The following BCCIP variants were observed in gnomAD, a reference collection of about 807,000 sequenced individuals.
BCCIP encodes BRCA2 and CDKN1A interacting protein.
Under a neutral mutation model 32.8 loss-of-function variants are expected in BCCIP, and 23 were observed. The ratio of observed to expected loss-of-function variants is 0.70; its 90% confidence interval spans 0.51 to 0.99. The LOEUF is 0.99. BCCIP is among the 50% of genes least tolerant of loss of function. The probability of loss-of-function intolerance (pLI) is 0.00; values close to 1 mark genes in which losing one functional copy is unlikely to be tolerated. For synonymous variants in BCCIP, 144 were observed against 137.6 expected, an observed-to-expected ratio of 1.05 and a Z score of -0.33; for missense variants, 378 against 379.8, an observed-to-expected ratio of 1.00 and a Z score of 0.04.
At chr10:125,840,464 G>T (rs1854844120), downstream of BCCIP, among the ~76,000 whole-genome samples, 1 of 152,238 alleles carries the variant, frequency 6.6e-6, no homozygotes, top group Non-Finnish European at 1.5e-5. Flanking sequence ...AATGTGCCAG[G>T]ATACGGAAGG....
chr10:125,841,557 T>G, exon 7 of BCCIP: 1 of 1,430,152 alleles, frequency 7.0e-7, no homozygotes, highest in South Asian at 1.6e-5. Flanking sequence ...TAAGATAATT[T>G]TTCATATTAA....
chr10:125,823,715 T>C lies in BCCIP; in HGVS notation c.158T>C (p.Ile53Thr), dbSNP rs368459243. Residue 53 changes from isoleucine to threonine, a missense_variant, in exon 1 of 7, where the codon ATT becomes ACT. Ile to Thr is a moderately conservative substitution (Grantham distance 89). Coordinates refer to ENST00000278100, the MANE Select transcript of BCCIP (RefSeq NM_078468.3). The stretch of plus-strand genomic sequence containing the variant: ...GAAAAGGATGAAGAGGACGAGGTCA[T>C]TGACGAGGTGAGAAGGACACGCTCC... ...DKEKDEEDEVIDEEVNIEFEA... is the reference protein window; with the variant it reads ...DKEKDEEDEVTDEEVNIEFEA... 2.1e-5 allele frequency: 34 copies of C among 1,613,922 alleles called. No homozygotes were observed. The Admixed American group carries it at 2.7e-4, about 13-fold the overall frequency.
chr10:125,827,413 G>A, intron 2 of BCCIP, 145 bp from the exon 3 acceptor site: 1 of 528,646 alleles, frequency 1.9e-6, no homozygotes, highest in Non-Finnish European at 3.3e-6. Flanking sequence ...GACTCTCCTG[G>A]GCTTTTCTTT....
chr10:125,839,119 C>A (rs374157987), downstream of BCCIP: 29 of 1,614,068 alleles, frequency 1.8e-5, no homozygotes, highest in South Asian at 1.2e-4. Context: ...GAGTTCAGCT[C>A]GAATAACATC....
rs1854587778 is a variant in BCCIP, at chr10:125,833,937, T to C, written c.765T>C (p.Phe255=). ...ALMFANAEEE[F]FYEKAILKFN... ...TGTTTGCAAATGCAGAGGAAGAATT[T>C]TTCTATGAGGTAAGACTATCCTGCT... Residue 255 remains phenylalanine (F), a synonymous_variant, in exon 6 of 7, where the codon TTT becomes TTC. Coordinates refer to ENST00000278100, the MANE Select transcript of BCCIP (RefSeq NM_078468.3). 1 of 1,614,066 alleles carries C rather than the reference T, an allele frequency of 6.2e-7. No individual in the cohort carries two copies. The highest frequency in any genetic ancestry group is 8.5e-7 in the Non-Finnish European group (1 of 1,180,024).
rs1589699215 is a variant in BCCIP at position 125,836,039 on chromosome 10, A to G, written c.775-65A>G. 2.0e-5 allele frequency: 28 copies of G among 1,391,942 alleles called. 1 individual carries two copies. In the South Asian group the frequency reaches 3.3e-4, roughly 16 times the overall value. The allele number at this position is 1,391,942 out of a possible 1,614,324, so 86.2% of individuals were successfully genotyped here. On this transcript the variant is annotated intron_variant, in intron 6 of 6. Transcript: ENST00000278100. Reference sequence around the variant, plus strand: ...TGCCAAACGTAATATTCTTTGCCGTAGATCAAATGGGTTTTGTCTTTGGGT... The same window carrying G: ...TGCCAAACGTAATATTCTTTGCCGTGGATCAAATGGGTTTTGTCTTTGGGT...
At chr10:125,847,267 A>T (rs1054482786), downstream of BCCIP, among the ~76,000 whole-genome samples, 3 of 152,340 alleles carry the variant, frequency 2.0e-5, no homozygotes, top group African/African-American at 7.2e-5. Flanking sequence ...AGATACAGGG[A>T]TGAGAAACTA....
chr10:125,851,458 C>A (rs1181681828), intron 7 of BCCIP, among the ~76,000 whole-genome samples: 1 of 152,176 alleles, frequency 6.6e-6, no homozygotes, highest in Non-Finnish European at 1.5e-5. Flanking sequence ...CTTTTCTTCT[C>A]CCTGCATTTC....
At chr10:125,830,793 C>G in intron 4 of BCCIP, 142 bp downstream of exon 4, 1 of 610,166 alleles carries the variant, frequency 1.6e-6, no homozygotes, top group African/African-American at 1.9e-5. Flanking sequence ...TATTGTAATC[C>G]TTTTTCAATA....
chr10:125,823,663 G>C lies in BCCIP; in HGVS notation c.106G>C (p.Asp36His), dbSNP rs199538471. The C allele has an allele frequency of 1.9e-5, 31 of 1,614,102 alleles. No homozygotes were observed. The highest frequency in any genetic ancestry group is 2.5e-5 in the Non-Finnish European group (29 of 1,179,986). ...AGAGGAAAAAGAAGTCGAAAATGAGGATGAAGACGATGATGACAGTGACAA... is the reference window on the plus strand; with the variant it reads ...AGAGGAAAAAGAAGTCGAAAATGAGCATGAAGACGATGATGACAGTGACAA... Reference protein sequence around the residue: ...EEEEKEVENEDEDDDDSDKEK... With the variant: ...EEEEKEVENEHEDDDDSDKEK... The change falls in exon 1 of 7, where the codon GAT becomes CAT. Residue 36 changes from aspartate to histidine, a missense_variant. Physicochemically the swap from Asp to His is moderately conservative, Grantham distance 81 (BLOSUM62 -1). Transcript: ENST00000278100.
At chr10:125,830,734 A>T (rs2134010276) in intron 4 of BCCIP, 83 bp downstream of exon 4, 3 of 819,862 alleles carry the variant, frequency 3.7e-6, no homozygotes, top group Non-Finnish European at 4.1e-6. Flanking sequence ...AATGTCTTTT[A>T]TGTTAAACAG....
downstream of BCCIP, among the ~76,000 whole-genome samples, chr10:125,846,364 G>T (rs1944021085): frequency 6.6e-6 from 1 of 152,244 alleles, no homozygotes; most frequent in African/African-American, 2.4e-5. Flanking sequence ...AAAATGCATG[G>T]GTTTTAAAAT....
chr10:125,841,775 T>C (rs1360270470), exon 7 of BCCIP: 7 of 1,612,578 alleles, frequency 4.3e-6, no homozygotes, highest in African/African-American at 1.3e-5. Flanking sequence ...TAGCACTTCA[T>C]CTACACAGTC....
chr10:125,839,088 G>T, downstream of BCCIP: 3 of 1,614,186 alleles, frequency 1.9e-6, no homozygotes, highest in Non-Finnish European at 2.5e-6. Flanking sequence ...AGGGAAGCTC[G>T]ATTCGCTTGA....
rs566110537 is a variant in BCCIP, at chr10:125,852,380, G to C, written c.851-745G>C. On this transcript the variant is annotated intron_variant, in intron 7 of 7. Coordinates refer to the BCCIP transcript ENST00000368759. ...ACCATGCTTGTTAGGTTGGCTTCCT[G>C]CATTTCTGCTGGCTTCAGTGGCGTC... The C allele has an allele frequency of 3.0e-5, 48 of 1,614,178 alleles. No individual in the cohort carries two copies. The highest frequency in any genetic ancestry group is 3.8e-5 in the Non-Finnish European group (45 of 1,180,028).
intron 7 of BCCIP, among the ~76,000 whole-genome samples, chr10:125,850,338 TTTC>T (rs1457490563): frequency 8.6e-5 from 13 of 150,692 alleles, no homozygotes; most frequent in African/African-American, 3.2e-4. Context: ...AGCCTTTGAC[TTTC>T]TTTTCTTTCT....
At position 125,836,105 on chromosome 10, in the gene BCCIP, A is replaced by G; in HGVS notation, c.776A>G (p.Lys259Arg). ...ANAEEEFFYE[K>R]AILKFNYSVQ... ...TTCATGGTTACTTATTTGGTTTAGA[A>G]GGCAATTCTCAAGTTCAACTACTCA... Residue 259 changes from lysine to arginine, a missense_variant and splice_region_variant, in exon 7 of 7, where the codon AAG (lysine) becomes AGG (arginine). Lys to Arg is a conservative substitution (Grantham distance 26). Coordinates refer to ENST00000278100, the MANE Select transcript of BCCIP (RefSeq NM_078468.3). 4 of 1,609,734 alleles carry G rather than the reference A, an allele frequency of 2.5e-6. No individual in the cohort carries two copies. Among genetic ancestry groups the G allele is most frequent in the Non-Finnish European group, 3.4e-6 (4 of 1,176,620 alleles).
At chr10:125,832,769 C>T (rs1180535088) in intron 5 of BCCIP, among the ~76,000 whole-genome samples, 1 of 151,452 alleles carries the variant, frequency 6.6e-6, no homozygotes, top group Non-Finnish European at 1.5e-5. Context: ...ATAGCCACTG[C>T]ACGCCAGCCT....
At chr10:125,850,722 G>GT (rs1168327588) in intron 7 of BCCIP, among the ~76,000 whole-genome samples, 1 of 152,164 alleles carries the variant, frequency 6.6e-6, no homozygotes, top group Non-Finnish European at 1.5e-5. Context: ...TGCCATGCCT[G>GT]TTTGTGTTTG....
Sources: gnomAD v4.1 joint callset for allele counts (sites outside exome capture counted in the v4.1 genomes callset) on GRCh38, gnomAD v4.1.1 for gene constraint, MANE v1.5 for transcripts, NCBI Gene and HGNC (gene_info 2026-07-23, HGNC 2026-07-21) for gene names.